C16orf96: variants seen among roughly 807,000 people sequenced by gnomAD.
The protein encoded by C16orf96 is chromosome 16 open reading frame 96, also known as uncharacterized protein C16orf96.
A neutral mutation model predicts 103.6 loss-of-function variants in C16orf96; 108 were observed. The observed-to-expected ratio is 1.04, with a 90% confidence interval of 0.89 to 1.22. The LOEUF (loss-of-function observed/expected upper bound fraction) is 1.22, where lower values mean the gene tolerates loss of function less well. C16orf96 is among the 50% of genes most tolerant of loss of function. The pLI is 0.00. For missense variants in C16orf96, 1,586 were observed against 1,464.2 expected (o/e 1.08, Z -1.36); for synonymous variants, 566 against 593.5 (o/e 0.95, Z 0.67).
At chr16:4,567,917 C>T (rs553041519) in intron 1 of C16orf96, among the ~76,000 whole-genome samples, 1 of 151,186 alleles carries the variant, frequency 6.6e-6, no homozygotes, top group African/African-American at 2.4e-5. Flanking sequence ...AGGATGGTCT[C>T]GATCTCCTGA....
At chr16:4,539,903 T>A in the C16orf96 span, among the ~76,000 whole-genome samples, 13 of 152,118 alleles carry the variant, frequency 8.5e-5, no homozygotes, top group African/African-American at 1.2e-4. Flanking sequence ...TTCAACACCC[T>A]GTGATTTCAT....
At position 4,574,582 on chromosome 16, in the gene C16orf96, C is replaced by T. The variant is rs1034723931; in HGVS notation, c.526-127C>T. ...TTTGCCCATGGAACCCTTTCCCACT[C>T]CTTGGGAAACACTGGATTTGGAACC... is the stretch of plus-strand genomic sequence containing the variant. On this transcript the variant is annotated intron_variant, in intron 2 of 15. Transcript: ENST00000444310. 6.7e-6 allele frequency: 5 copies of T among 741,988 alleles called. No individual in the cohort carries two copies. In the African/African-American group the frequency reaches 8.8e-5, roughly 13 times the overall value. The allele number at this position is 741,988 out of a possible 1,614,324, so 46.0% of individuals were successfully genotyped here.
chr16:4,600,311 C>G lies in C16orf96; in HGVS notation c.3420C>G (p.Asn1140Lys), dbSNP rs1897257156. The G allele has an allele frequency of 6.5e-7, 1 of 1,548,126 alleles. No individual in the cohort carries two copies. The highest frequency in any genetic ancestry group is 8.7e-7 in the Non-Finnish European group (1 of 1,146,234). ...GGAAGCCCCCCGAGGAGCCCGCCAA[C>G]CCGTGAGCCCCACCCCGCTGCGCCC... Reference protein sequence around the residue: ...VGRKPPEEPANP With the variant: ...VGRKPPEEPAKP The change falls in exon 16 of 16, where the codon AAC (asparagine) becomes AAG (lysine). Residue 1140 changes from asparagine to lysine, a missense_variant. Transcript: ENST00000444310.
rs1237172482 is a variant in C16orf96, at chr16:4,556,765, G to C, written c.276G>C (p.Glu92Asp). 1.9e-6 allele frequency: 3 copies of C among 1,551,610 alleles called. No individual in the cohort carries two copies. The highest frequency in any genetic ancestry group is 2.4e-5 in the South Asian group (2 of 84,070). Residue 92 changes from glutamate (E) to aspartate (D), a missense_variant, in exon 1 of 16, where the codon GAG (glutamate) becomes GAC (aspartate). Transcript: ENST00000444310. ...TGGTGAGCCGCCTCGACAAGTTGGAGAACCAGCTGGCCCTGCTGCAGGACC... is the reference window on the plus strand; with the variant it reads ...TGGTGAGCCGCCTCGACAAGTTGGACAACCAGCTGGCCCTGCTGCAGGACC... ...DHVVSRLDKLENQLALLQDLP... is the reference protein window; with the variant it reads ...DHVVSRLDKLDNQLALLQDLP...
intron 6 of C16orf96, among the ~76,000 whole-genome samples, chr16:4,579,545 C>G (rs1225391544): frequency 2.3e-5 from 2 of 85,680 alleles, no homozygotes; most frequent in Non-Finnish European, 4.4e-5. Context: ...CAGAGCAAGG[C>G]CCTGTCTCAA....
At chr16:4,587,944 AC>A (rs749423215) in intron 8 of C16orf96, among the ~76,000 whole-genome samples, 1 of 152,148 alleles carries the variant, frequency 6.6e-6, no homozygotes, top group Non-Finnish European at 1.5e-5. Flanking sequence ...TCTCAAAAAA[AC>A]ACATAATAAT....
intron 7 of C16orf96, 45 bp downstream of exon 7, chr16:4,580,170 A>G: frequency 7.2e-7 from 1 of 1,398,568 alleles, no homozygotes. Flanking sequence ...CAAAGGGAGA[A>G]TTCCTCACCT....
chr16:4,563,313 G>A (rs991507227), intron 1 of C16orf96, among the ~76,000 whole-genome samples: 3 of 152,014 alleles, frequency 2.0e-5, no homozygotes, highest in African/African-American at 4.8e-5. Flanking sequence ...GCAGTGGCTC[G>A]ATCTCAGCTC....
intron 1 of C16orf96, among the ~76,000 whole-genome samples, chr16:4,559,663 A>G (rs2059306999): frequency 6.6e-6 from 1 of 152,190 alleles, no homozygotes; most frequent in South Asian, 2.1e-4. Flanking sequence ...TCGGTGGCAC[A>G]CGATATATTG....
At chr16:4,559,213 A>G (rs968626662) in intron 1 of C16orf96, among the ~76,000 whole-genome samples, 2 of 151,996 alleles carry the variant, frequency 1.3e-5, no homozygotes, top group Non-Finnish European at 2.9e-5. Flanking sequence ...GGCCATTTTC[A>G]GAGCGTTCCC....
At chr16:4,569,236 G>A (rs759478158) in intron 1 of C16orf96, among the ~76,000 whole-genome samples, 71 of 151,956 alleles carry the variant, frequency 4.7e-4, no homozygotes, top group Non-Finnish European at 8.5e-4. Context: ...CCAAAGTGCT[G>A]GGATTACAGG....
intron 2 of C16orf96, 29 bp from the exon 3 acceptor site, chr16:4,574,680 C>A: frequency 1.3e-6 from 2 of 1,535,122 alleles, no homozygotes; most frequent in Non-Finnish European, 1.8e-6. Context: ...ACCTGGACCC[C>A]CAGTCCACAG....
chr16:4,567,988 G>A (rs183052349), intron 1 of C16orf96, among the ~76,000 whole-genome samples: 6 of 151,902 alleles, frequency 3.9e-5, no homozygotes, highest in Admixed American at 3.9e-4. Flanking sequence ...GAGCCACCAC[G>A]TCCGGCCTGT....
intron 1 of C16orf96, chr16:4,562,781 A>C: frequency 1.9e-6 from 2 of 1,045,002 alleles, no homozygotes; most frequent in South Asian, 1.4e-5. Context: ...CAACTAGAAC[A>C]GTACAGGTTT....
chr16:4,580,088 C>A lies in C16orf96; in HGVS notation c.2315C>A (p.Ala772Glu). The A allele has an allele frequency of 6.5e-7, 1 of 1,543,808 alleles. No individual in the cohort carries two copies. The highest frequency in any genetic ancestry group is 1.4e-5 in the African/African-American group (1 of 72,700). Residue 772 changes from alanine to glutamate, a missense_variant, in exon 7 of 16, where the codon GCG becomes GAG. Ala to Glu is a moderately radical substitution (Grantham distance 107). Coordinates refer to ENST00000444310, the MANE Select transcript of C16orf96 (RefSeq NM_001145011.2). ...GATCGCTACATCACTTTGGACAAGGCGGTGGAGAACCTGCAGATTCGCATG... is the reference window on the plus strand; with the variant it reads ...GATCGCTACATCACTTTGGACAAGGAGGTGGAGAACCTGCAGATTCGCATG... ...MKDRYITLDK[A>E]VENLQIRMDE...
chr16:4,554,716 A>T (rs1345385603), upstream of C16orf96, among the ~76,000 whole-genome samples: 1 of 149,548 alleles, frequency 6.7e-6, no homozygotes, highest in Non-Finnish European at 1.5e-5. Context: ...GCAATGGCAC[A>T]ATCTTGGCTC....
chr16:4,583,293 G>A (rs1896837111), intron 7 of C16orf96, among the ~76,000 whole-genome samples: 1 of 151,812 alleles, frequency 6.6e-6, no homozygotes, highest in African/African-American at 2.4e-5. Flanking sequence ...TTGAGGCCAG[G>A]ACTTCAGGAC....
chr16:4,583,685 G>A (rs1209188092), intron 7 of C16orf96, among the ~76,000 whole-genome samples: 1 of 152,138 alleles, frequency 6.6e-6, no homozygotes, highest in Non-Finnish European at 1.5e-5. Context: ...CACTTTGGGA[G>A]GCCGACATGG....
chr16:4,556,504 C>G lies in C16orf96; in HGVS notation c.15C>G (p.Leu5=), dbSNP rs972252594. Residue 5 remains leucine, a synonymous_variant, in exon 1 of 16, where the codon CTC becomes CTG. Coordinates refer to ENST00000444310, the MANE Select transcript of C16orf96 (RefSeq NM_001145011.2). Reference sequence around the variant, plus strand: ...ACCCTGGCAGGATGAGCTTCTCACTCACGTTCACCGAGCTGGCCAACATCG... The same window carrying G: ...ACCCTGGCAGGATGAGCTTCTCACTGACGTTCACCGAGCTGGCCAACATCG... The part of the protein sequence containing the change: MSFS[L]TFTELANIAI... 7.8e-6 allele frequency: 12 copies of G among 1,530,088 alleles called. No homozygotes were observed. Among genetic ancestry groups the G allele is most frequent in the African/African-American group, 2.8e-5 (2 of 72,724 alleles). The allele number at this position is 1,530,088 out of a possible 1,614,324, so 94.8% of individuals were successfully genotyped here. A position where few individuals can be genotyped will look rare whatever the true frequency, so the allele number is the denominator to read the frequency against.
Sources: gnomAD v4.1 joint callset for allele counts (sites outside exome capture counted in the v4.1 genomes callset) on GRCh38, gnomAD v4.1.1 for gene constraint, MANE v1.5 for transcripts, NCBI Gene and HGNC (gene_info 2026-07-23, HGNC 2026-07-21) for gene names.